PCDH9: variants seen among roughly 807,000 people sequenced by gnomAD.
PCDH9 encodes protocadherin-9.
PCDH9 carries 24 observed loss-of-function variants against 70.6 expected under a neutral mutation model. The ratio of observed to expected loss-of-function variants is 0.34; its 90% CI spans 0.25 to 0.48. The LOEUF (loss-of-function observed/expected upper bound fraction) is 0.48, where lower values mean the gene tolerates loss of function less well. Ranked by LOEUF, PCDH9 falls within the 20% of genes least tolerant of loss-of-function variation. PCDH9 has a pLI of 0.99. For missense variants in PCDH9, 1,281 were observed against 1,503.6 expected (o/e 0.85, Z 2.45); for synonymous variants, 562 against 558.5 (o/e 1.01, Z -0.09).
intron 2 of PCDH9, among the ~76,000 whole-genome samples, chr13:67,175,124 A>T (rs887499120): frequency 6.6e-6 from 1 of 152,068 alleles, no homozygotes; most frequent in African/African-American, 2.4e-5. Flanking sequence ...TGACAGAAAG[A>T]GATCCTGTCT....
chr13:66,885,426 T>C (rs2081989842), intron 3 of PCDH9, among the ~76,000 whole-genome samples: 1 of 152,222 alleles, frequency 6.6e-6, no homozygotes, highest in Non-Finnish European at 1.5e-5. Flanking sequence ...CTAGTACATG[T>C]ATGTTAAATT....
chr13:66,497,602 A>T (rs1412488972), intron 4 of PCDH9, among the ~76,000 whole-genome samples: 4 of 152,140 alleles, frequency 2.6e-5, no homozygotes. Flanking sequence ...GTTAGAGATC[A>T]TATTTCAAAT....
At chr13:66,736,980 C>T (rs1414148917) in intron 3 of PCDH9, among the ~76,000 whole-genome samples, 2 of 152,032 alleles carry the variant, frequency 1.3e-5, no homozygotes, top group South Asian at 2.1e-4. Flanking sequence ...ATAAAATATA[C>T]GTTCCTGAGG....
chr13:66,345,200 G>A (rs2138155066), intron 4 of PCDH9, among the ~76,000 whole-genome samples: 1 of 152,280 alleles, frequency 6.6e-6, no homozygotes, highest in East Asian at 1.9e-4. Flanking sequence ...CAGTTGCCAA[G>A]ATGTTCCAGG....
chr13:66,440,693 T>C (rs1957957176), intron 4 of PCDH9, among the ~76,000 whole-genome samples: 6 of 152,122 alleles, frequency 3.9e-5, no homozygotes, highest in Admixed American at 3.9e-4. Context: ...ACCTGAGTAA[T>C]AAACCCTGTT....
chr13:66,739,302 G>C (rs896722519), intron 3 of PCDH9, among the ~76,000 whole-genome samples: 11 of 121,732 alleles, frequency 9.0e-5, no homozygotes, highest in African/African-American at 3.1e-4. Flanking sequence ...GAGAGATTTT[G>C]TCACCACCAG....
At chr13:66,732,261 A>G (rs959330206) in intron 3 of PCDH9, among the ~76,000 whole-genome samples, 3 of 151,876 alleles carry the variant, frequency 2.0e-5, no homozygotes, top group Non-Finnish European at 2.9e-5. Context: ...TTTTCTTTCT[A>G]TGGGAACATT....
intron 2 of PCDH9, among the ~76,000 whole-genome samples, chr13:67,104,644 G>A (rs2086499304): frequency 2.0e-5 from 3 of 152,032 alleles, no homozygotes; most frequent in Admixed American, 6.6e-5. Flanking sequence ...TGCCTCCTGG[G>A]TTCACGCCAT....
intron 2 of PCDH9, among the ~76,000 whole-genome samples, chr13:67,050,129 C>T (rs1010894616): frequency 3.3e-5 from 5 of 152,122 alleles, no homozygotes; most frequent in African/African-American, 1.2e-4. Flanking sequence ...AAAATAAAAA[C>T]ATATTATTTT....
At chr13:66,503,054 G>C (rs749682144) in intron 4 of PCDH9, among the ~76,000 whole-genome samples, 2 of 152,096 alleles carry the variant, frequency 1.3e-5, no homozygotes, top group Admixed American at 6.5e-5. Context: ...GTCCAGGATG[G>C]GGGGAGGAAG....
chr13:67,196,689 G>A (rs771096367), intron 2 of PCDH9, among the ~76,000 whole-genome samples: 4 of 151,910 alleles, frequency 2.6e-5, no homozygotes, highest in Non-Finnish European at 2.9e-5. Context: ...TGTTTCATTC[G>A]TTGTCCTTTA....
intron 4 of PCDH9, among the ~76,000 whole-genome samples, chr13:66,435,039 A>G (rs1957843503): frequency 6.6e-6 from 1 of 152,132 alleles, no homozygotes; most frequent in South Asian, 2.1e-4. Flanking sequence ...TCACAAATCA[A>G]GGAAGGCATT....
intron 3 of PCDH9, 87 bp from the exon 4 acceptor site, chr13:66,631,498 C>G (rs1057151648): frequency 2.7e-6 from 2 of 731,762 alleles, no homozygotes; most frequent in African/African-American, 3.5e-5. Flanking sequence ...ACACTTTCAA[C>G]AAGTAACACA....
chr13:66,827,833 T>G (rs116415708), intron 3 of PCDH9, among the ~76,000 whole-genome samples: 2,413 of 152,174 alleles, frequency 0.016, 77 homozygotes, highest in African/African-American at 0.055. Flanking sequence ...ACAAGGAGGA[T>G]GATAGTCTTT....
At chr13:66,658,314 T>C (rs2077960260) in intron 3 of PCDH9, among the ~76,000 whole-genome samples, 1 of 152,202 alleles carries the variant, frequency 6.6e-6, no homozygotes, top group African/African-American at 2.4e-5. Flanking sequence ...CAAGTTGATA[T>C]AAAAACACAT....
intron 2 of PCDH9, among the ~76,000 whole-genome samples, chr13:67,069,227 C>T (rs1278859023): frequency 3.3e-5 from 5 of 151,940 alleles, no homozygotes; most frequent in African/African-American, 1.2e-4. Flanking sequence ...TACAAATATG[C>T]TTTTTCAAAA....
rs571081598 is a variant in PCDH9 at position 66,410,779 on chromosome 13, T to C, written c.3341-105751A>G. Among the ~76,000 whole-genome samples the C allele has an allele frequency of 1.6e-4, 24 of 152,332 alleles. No homozygotes were observed. In the South Asian group the frequency reaches 3.1e-3, roughly 20 times the overall value. ...ACAAGTTTAATGTTGTCAGCTACCATAGTAGAAAATAAAATGCCGATTTTT... is the reference window on the plus strand; with the variant it reads ...ACAAGTTTAATGTTGTCAGCTACCACAGTAGAAAATAAAATGCCGATTTTT... On this transcript the variant is annotated intron_variant, in intron 4 of 4. Transcript: ENST00000377865.
intron 2 of PCDH9, among the ~76,000 whole-genome samples, chr13:66,960,944 GATTT>G (rs1218173158): frequency 6.6e-6 from 1 of 152,042 alleles, no homozygotes; most frequent in Non-Finnish European, 1.5e-5. Context: ...CTACACAATT[GATTT>G]ATTGGTCATC....
intron 2 of PCDH9, among the ~76,000 whole-genome samples, chr13:67,072,558 T>A (rs888497329): frequency 5.3e-5 from 8 of 152,150 alleles, no homozygotes; most frequent in Non-Finnish European, 8.8e-5. Flanking sequence ...TCTTCCTTTT[T>A]TATAGGGATG....
Sources: allele counts gnomAD v4.1 joint callset (sites outside exome capture counted in the v4.1 genomes callset), GRCh38; gene constraint gnomAD v4.1.1; transcripts MANE v1.5; gene names NCBI Gene and HGNC (gene_info 2026-07-23, HGNC 2026-07-21).